Variants in PRKD1 observed in about 807,000 individuals in gnomAD.
PRKD1 encodes serine/threonine-protein kinase D1.
PRKD1 carries 63 observed loss-of-function variants against 95.9 expected under a neutral mutation model. The observed-to-expected ratio is 0.66, with a 90% CI of 0.54 to 0.81. The LOEUF is 0.81. Ranked by LOEUF, PRKD1 falls within the 30% of genes least tolerant of loss-of-function variation. The probability of loss-of-function intolerance (pLI) is 0.00; values close to 1 mark genes in which losing one functional copy is unlikely to be tolerated. For missense variants in PRKD1, 1,048 were observed against 1,165.3 expected (o/e 0.90, Z 1.47); for synonymous variants, 425 against 423.1 (o/e 1.00, Z -0.05).
At chr14:29,739,568 T>C (rs1234881161) in intron 1 of PRKD1, among the ~76,000 whole-genome samples, 2 of 152,188 alleles carry the variant, frequency 1.3e-5, no homozygotes, top group African/African-American at 2.4e-5. Flanking sequence ...CTGGAATCTT[T>C]TGAAATTAAA....
rs1196848901 is a variant in PRKD1 at position 29,608,814 on chromosome 14, T to G, written c.1906-8997A>C. ...TATTGCCTATGAACATGTCCCCGTT[T>G]CATCTTCAGTTGGCAAAAAGTTTGC... On this transcript the variant is annotated intron_variant, in intron 13 of 17. Transcript: ENST00000331968. Among the ~76,000 whole-genome samples, 5 of 152,330 alleles carry G rather than the reference T, an allele frequency of 3.3e-5. No homozygotes were observed. In the East Asian group the frequency reaches 7.7e-4, roughly 24 times the overall value.
intron 9 of PRKD1, among the ~76,000 whole-genome samples, chr14:29,632,131 T>C (rs1566499934): frequency 6.6e-6 from 1 of 151,884 alleles, no homozygotes. Context: ...CAATTCATAC[T>C]AAAAAAAAGA....
intron 2 of PRKD1, among the ~76,000 whole-genome samples, chr14:29,691,161 T>A (rs1203028997): frequency 6.6e-6 from 1 of 152,222 alleles, no homozygotes; most frequent in Non-Finnish European, 1.5e-5. Flanking sequence ...TCATTTTTAA[T>A]ACAATTCTAC....
chr14:29,813,551 G>C (rs1423962953), intron 1 of PRKD1, among the ~76,000 whole-genome samples: 2 of 152,080 alleles, frequency 1.3e-5, no homozygotes, highest in East Asian at 3.9e-4. Context: ...ATAGTTCTAG[G>C]GAGAGGGTGA....
chr14:29,909,279 C>T (rs1025875853), intron 1 of PRKD1, among the ~76,000 whole-genome samples: 64 of 149,126 alleles, frequency 4.3e-4, no homozygotes, highest in Non-Finnish European at 7.9e-4. Context: ...GAGCCTCCCC[C>T]CTACCCAACC....
chr14:29,659,326 GTTAA>G (rs1347391406), intron 4 of PRKD1, among the ~76,000 whole-genome samples: 2 of 152,100 alleles, frequency 1.3e-5, no homozygotes, highest in Non-Finnish European at 2.9e-5. Flanking sequence ...TGAATCAATA[GTTAA>G]TTAATTCCAT....
chr14:29,864,262 C>A, intron 1 of PRKD1, among the ~76,000 whole-genome samples: 1 of 151,758 alleles, frequency 6.6e-6, no homozygotes, highest in East Asian at 1.9e-4. Context: ...AATCAAAGAA[C>A]ATATATATAT....
intron 1 of PRKD1, among the ~76,000 whole-genome samples, chr14:29,832,125 T>C (rs1005428186): frequency 6.6e-5 from 10 of 152,176 alleles, no homozygotes; most frequent in Admixed American, 6.5e-4. Flanking sequence ...TTTCCAACTT[T>C]GCTGGATACG....
intron 2 of PRKD1, among the ~76,000 whole-genome samples, chr14:29,675,059 C>G (rs577668046): frequency 1.3e-5 from 2 of 152,284 alleles, no homozygotes; most frequent in East Asian, 3.9e-4. Flanking sequence ...GCGCTGTTGG[C>G]CAAGGAACCT....
chr14:29,810,320 T>A (rs1185031582), intron 1 of PRKD1, among the ~76,000 whole-genome samples: 9 of 152,214 alleles, frequency 5.9e-5, no homozygotes, highest in African/African-American at 1.9e-4. Context: ...GTAAAAAAAA[T>A]GCACAATCTG....
chr14:29,713,170 G>A (rs1356938526), intron 2 of PRKD1, among the ~76,000 whole-genome samples: 1 of 152,046 alleles, frequency 6.6e-6, no homozygotes, highest in Non-Finnish European at 1.5e-5. Flanking sequence ...TATTTGTTAT[G>A]ATTTTTCATC....
intron 1 of PRKD1, among the ~76,000 whole-genome samples, chr14:29,898,460 TAA>T (rs1894208086): frequency 1.3e-5 from 2 of 152,122 alleles, no homozygotes; most frequent in South Asian, 4.1e-4. Context: ...CCTGGGGAAA[TAA>T]AGATACATTA....
chr14:29,678,278 G>T (rs2139258608), intron 2 of PRKD1, among the ~76,000 whole-genome samples: 1 of 152,234 alleles, frequency 6.6e-6, no homozygotes, highest in Non-Finnish European at 1.5e-5. Flanking sequence ...GGAGTTAGTA[G>T]CAAATTCCTT....
At chr14:29,873,446 A>G (rs971237024) in intron 1 of PRKD1, among the ~76,000 whole-genome samples, 2 of 150,628 alleles carry the variant, frequency 1.3e-5, no homozygotes, top group Admixed American at 1.3e-4. Flanking sequence ...CTTTAGCTAG[A>G]TATTAGGTCA....
In PRKD1 at chr14:29,577,119, T is replaced by C. The variant is rs2138937367; in HGVS notation, c.*119A>G. 9.4e-7 allele frequency: 1 copy of C among 1,065,576 alleles called. No homozygotes were observed. Among genetic ancestry groups the C allele is most frequent in the East Asian group, 2.5e-5 (1 of 39,346 alleles). 66.0% of individuals were successfully genotyped at this position (1,065,576 alleles called of 1,614,324 possible). ...TCAGATACATCAACAGTGCTAACAG[T>C]TTAACAGCTTTGTTCTCATCTGACA... On this transcript the variant is annotated 3_prime_UTR_variant, in exon 18 of 18. Transcript: ENST00000331968.
rs544573671 is a variant in PRKD1 at position 29,624,371 on chromosome 14, A to C, written c.1799-113T>G. On this transcript the variant is annotated intron_variant, in intron 12 of 17. Coordinates refer to ENST00000331968, the MANE Select transcript of PRKD1 (RefSeq NM_002742.3). The stretch of plus-strand genomic sequence containing the variant: ...ATGATAAACATATTTCACTGAATAA[A>C]TTAACATTTCTAAAGAGCACTGACT... 4.9e-6 allele frequency: 3 copies of C among 608,188 alleles called. No homozygotes were observed. In the South Asian group the frequency reaches 8.9e-5, roughly 18 times the overall value. The allele number at this position is 608,188 out of a possible 1,614,324, so 37.7% of individuals were successfully genotyped here.
intron 2 of PRKD1, among the ~76,000 whole-genome samples, chr14:29,725,136 T>C (rs1886077610): frequency 6.6e-6 from 1 of 152,204 alleles, no homozygotes; most frequent in Non-Finnish European, 1.5e-5. Flanking sequence ...GTCAAAGGCT[T>C]CTTAGCCCTG....
chr14:29,660,360 C>G (rs534439571), intron 4 of PRKD1, among the ~76,000 whole-genome samples: 1 of 152,256 alleles, frequency 6.6e-6, no homozygotes, highest in Non-Finnish European at 1.5e-5. Context: ...TGGCAAGTCT[C>G]TGGTTTGTTC....
At position 29,577,224 on chromosome 14, in the gene PRKD1, A is replaced by G. The variant is rs770647055; in HGVS notation, c.*14T>C. 6.2e-7 allele frequency: 1 copy of G among 1,601,148 alleles called. No homozygotes were observed. The highest frequency in any genetic ancestry group is 8.6e-7 in the Non-Finnish European group (1 of 1,169,212). On this transcript the variant is annotated 3_prime_UTR_variant, in exon 18 of 18. Transcript: ENST00000331968. ...TAGTTCCACAGTGTTTTGACAGATT[A>G]TAGGAGATGGAACTCAGAGGATGCT... is the stretch of plus-strand genomic sequence containing the variant.
Sources: gnomAD v4.1 joint callset for allele counts (sites outside exome capture counted in the v4.1 genomes callset) on GRCh38, gnomAD v4.1.1 for gene constraint, MANE v1.5 for transcripts, NCBI Gene and HGNC (gene_info 2026-07-23, HGNC 2026-07-21) for gene names.